KIAA1328: variants seen among roughly 807,000 people sequenced by gnomAD.
KIAA1328 encodes the protein KIAA1328, also known as protein hinderin.
A neutral mutation model predicts 68.1 loss-of-function variants in KIAA1328; 52 were observed. The ratio of observed to expected loss-of-function variants is 0.76; its 90% CI spans 0.61 to 0.96. The LOEUF (loss-of-function observed/expected upper bound fraction) is 0.96, where lower values mean the gene tolerates loss of function less well. Among genes scored for constraint, KIAA1328 ranks in the 40% least tolerant of loss-of-function variants. The pLI is 0.00. For missense variants in KIAA1328, 641 were observed against 677.6 expected (o/e 0.95, Z 0.60); for synonymous variants, 232 against 239.4 (o/e 0.97, Z 0.28).
intron 6 of KIAA1328, among the ~76,000 whole-genome samples, chr18:37,014,553 A>G (rs1456007924): frequency 6.6e-6 from 1 of 152,188 alleles, no homozygotes; most frequent in African/African-American, 2.4e-5. Context: ...CTCAGGCTGT[A>G]CAGGAAGCAT....
chr18:37,180,127 A>G (rs1295751914), intron 9 of KIAA1328, among the ~76,000 whole-genome samples: 1 of 151,896 alleles, frequency 6.6e-6, no homozygotes, highest in Admixed American at 6.6e-5. Context: ...GGGAACAAAA[A>G]TATAATACTG....
intron 7 of KIAA1328, among the ~76,000 whole-genome samples, chr18:37,123,783 G>A (rs2058328091): frequency 6.6e-6 from 1 of 151,998 alleles, no homozygotes; most frequent in Non-Finnish European, 1.5e-5. Flanking sequence ...GTTTGTACAA[G>A]AAAACTAAAG....
chr18:36,837,731 TTC>T (rs2046727448), intron 3 of KIAA1328, among the ~76,000 whole-genome samples: 1 of 152,168 alleles, frequency 6.6e-6, no homozygotes, highest in Non-Finnish European at 1.5e-5. Context: ...CTACATTTAG[TTC>T]TCATTCCATT....
intron 7 of KIAA1328, among the ~76,000 whole-genome samples, chr18:37,082,166 ATTTTTTTTT>A (rs34106395): frequency 1.0e-5 from 1 of 100,424 alleles, no homozygotes; most frequent in African/African-American, 4.2e-5. Flanking sequence ...TGCCCCAAGG[ATTTTTTTTT>A]TTTTTTTTTT....
chr18:36,991,868 G>T (rs1004276751), intron 6 of KIAA1328, among the ~76,000 whole-genome samples: 1 of 152,178 alleles, frequency 6.6e-6, no homozygotes, highest in Admixed American at 6.5e-5. Flanking sequence ...TACAGATTGG[G>T]CCCAGAGCTG....
chr18:37,230,628 G>T (rs552000175), downstream of KIAA1328: 4 of 152,270 alleles, frequency 2.6e-5, no homozygotes, highest in African/African-American at 7.2e-5. Flanking sequence ...AGGTGGATGG[G>T]TAGGCACATA....
chr18:37,016,776 G>C (rs2054167483), intron 6 of KIAA1328, among the ~76,000 whole-genome samples: 1 of 152,140 alleles, frequency 6.6e-6, no homozygotes, highest in African/African-American at 2.4e-5. Flanking sequence ...AGTAGTGTCT[G>C]AGGATCTTTT....
intron 8 of KIAA1328, among the ~76,000 whole-genome samples, chr18:37,172,680 C>T (rs2059523120): frequency 6.6e-6 from 1 of 152,204 alleles, no homozygotes; most frequent in South Asian, 2.1e-4. Flanking sequence ...CCTCCTTGGG[C>T]ATTTTCACAG....
chr18:37,033,462 G>T (rs1364352951), intron 6 of KIAA1328, among the ~76,000 whole-genome samples: 1 of 152,096 alleles, frequency 6.6e-6, no homozygotes, highest in African/African-American at 2.4e-5. Flanking sequence ...TAGTCTGTAG[G>T]GTAGTCTTTT....
chr18:37,184,596 C>G (rs547254177), intron 9 of KIAA1328, among the ~76,000 whole-genome samples: 2 of 152,194 alleles, frequency 1.3e-5, no homozygotes, highest in African/African-American at 2.4e-5. Context: ...AGTTAAAGGC[C>G]GAAGATCTGG....
intron 6 of KIAA1328, among the ~76,000 whole-genome samples, chr18:37,041,640 TTGTGTGTGTG>T (rs56237948): frequency 0.011 from 1,626 of 146,596 alleles, 17 homozygotes; most frequent in African/African-American, 0.027. Context: ...TTTTTTGTGT[TTGTGTGTGTG>T]TGTGTGTGTG....
At chr18:36,883,952 G>GTATATGTGTATATA (rs540895118) in intron 4 of KIAA1328, among the ~76,000 whole-genome samples, 4 of 120,806 alleles carry the variant, frequency 3.3e-5, no homozygotes, top group South Asian at 2.4e-4. Context: ...TATTTATAAA[G>GTATATGTGTATATA]TATATATATA....
At chr18:37,162,230 G>T (rs1462891850) in intron 8 of KIAA1328, among the ~76,000 whole-genome samples, 1 of 150,452 alleles carries the variant, frequency 6.6e-6, no homozygotes. Context: ...CTTCCATTAG[G>T]TTTTTTTTCC....
At chr18:37,147,780 G>C (rs1310628905) in intron 7 of KIAA1328, among the ~76,000 whole-genome samples, 1 of 152,094 alleles carries the variant, frequency 6.6e-6, no homozygotes, top group African/African-American at 2.4e-5. Context: ...ATTTCTCGTA[G>C]TATTGCCCAA....
At chr18:36,987,568 T>C (rs2052991745) in intron 6 of KIAA1328, among the ~76,000 whole-genome samples, 1 of 151,952 alleles carries the variant, frequency 6.6e-6, no homozygotes, top group East Asian at 1.9e-4. Context: ...TCTATTAATA[T>C]AAATCTCTAG....
chr18:37,214,147 A>G (rs2060376623), intron 9 of KIAA1328, among the ~76,000 whole-genome samples: 1 of 152,176 alleles, frequency 6.6e-6, no homozygotes, highest in Non-Finnish European at 1.5e-5. Flanking sequence ...GAAGCTCTTC[A>G]GTTTAATTAG....
At chr18:37,101,559 AC>A (rs1291892309) in intron 7 of KIAA1328, among the ~76,000 whole-genome samples, 44 of 152,354 alleles carry the variant, frequency 2.9e-4, no homozygotes, top group African/African-American at 1.0e-3. Context: ...CCTGAAAGTG[AC>A]GGGGAGAATG....
intron 7 of KIAA1328, among the ~76,000 whole-genome samples, chr18:37,105,596 T>C (rs983860362): frequency 4.0e-5 from 6 of 151,730 alleles, no homozygotes; most frequent in Non-Finnish European, 5.9e-5. Flanking sequence ...TTTTCAAGGA[T>C]TGGAAATGTC....
chr18:37,128,847 G>A (rs993800936), intron 7 of KIAA1328, among the ~76,000 whole-genome samples: 17 of 152,188 alleles, frequency 1.1e-4, no homozygotes, highest in African/African-American at 2.9e-4. Context: ...CACGTAATAC[G>A]TGTAACAACA....
Sources: gnomAD v4.1 joint callset for allele counts (sites outside exome capture counted in the v4.1 genomes callset) on GRCh38, gnomAD v4.1.1 for gene constraint, MANE v1.5 for transcripts, NCBI Gene and HGNC (gene_info 2026-07-23, HGNC 2026-07-21) for gene names.